The following PKD1L3 variants were observed in gnomAD, a reference collection of about 807,000 sequenced individuals.
PKD1L3 encodes the protein polycystin 1 like 3, transient receptor potential channel interacting.
PKD1L3 carries 239 observed loss-of-function variants against 184.1 expected under a neutral mutation model. The observed-to-expected ratio is 1.30, with a 90% confidence interval of 1.17 to 1.45. The LOEUF is 1.45. PKD1L3 is among the 40% of genes most tolerant of loss of function. PKD1L3 has a pLI of 0.00. For missense variants in PKD1L3, 2,660 were observed against 2,067.2 expected (o/e 1.29, Z -5.56); for synonymous variants, 996 against 778.8 (o/e 1.28, Z -4.64).
At chr16:71,954,458 T>A (rs1037105051) in intron 16 of PKD1L3, among the ~76,000 whole-genome samples, 157 bp from the exon 17 acceptor site, 1 of 152,254 alleles carries the variant, frequency 6.6e-6, no homozygotes, top group Non-Finnish European at 1.5e-5. Context: ...ATTCTTTTTT[T>A]ATTTTAAATT....
At chr16:71,961,523 G>A (rs12445713) in intron 16 of PKD1L3, among the ~76,000 whole-genome samples, 71,062 of 151,820 alleles carry the variant, frequency 0.47, 17,336 homozygotes, top group South Asian at 0.57. Context: ...AGCCACCCCT[G>A]TGAAAAATGC....
At chr16:71,976,043 G>A (rs917654072) in intron 11 of PKD1L3, among the ~76,000 whole-genome samples, 2 of 151,836 alleles carry the variant, frequency 1.3e-5, no homozygotes, top group African/African-American at 4.8e-5. Context: ...TGCCTCCTGG[G>A]TTCAAGTGAT....
At chr16:71,931,403 CTTATTT>C (rs774749191) in intron 28 of PKD1L3, among the ~76,000 whole-genome samples, 4 of 151,232 alleles carry the variant, frequency 2.6e-5, no homozygotes, top group Non-Finnish European at 4.4e-5. Context: ...GCTTAAGTCC[CTTATTT>C]TTATTTTTTA....
Position 71,942,924 on chromosome 16 carries a change from G to A in PKD1L3, c.3960C>T (p.His1320=), listed in dbSNP as rs369693240. The A allele has an allele frequency of 1.3e-6, 2 of 1,551,408 alleles. No individual in the cohort carries two copies. Among genetic ancestry groups the A allele is most frequent in the East Asian group, 2.4e-5 (1 of 40,936 alleles). ...LHQAIWKTFS[H]QFSEIKLLQD... ...GAAGAAGTTTGATTTCCGAGAACTG[G>A]TGCGAAAATGTCTTCCAGATAGCTT... Residue 1320 remains histidine (H), a synonymous_variant, in exon 24 of 30, where the codon CAC becomes CAT. Transcript: ENST00000620267.
intron 6 of PKD1L3, among the ~76,000 whole-genome samples, chr16:71,982,850 T>TC (rs1283542284): frequency 6.6e-6 from 1 of 152,130 alleles, no homozygotes; most frequent in African/African-American, 2.4e-5. Flanking sequence ...TGTCTTGGCC[T>TC]CCCAAAGTGT....
chr16:71,990,427 A>T, intron 3 of PKD1L3, 98 bp from the exon 4 acceptor site: 1 of 1,060,532 alleles, frequency 9.4e-7, no homozygotes, highest in Non-Finnish European at 1.4e-6. Flanking sequence ...AAAATAATGC[A>T]AATTGTTTTA....
chr16:71,960,696 C>G (rs2039244181), intron 16 of PKD1L3, among the ~76,000 whole-genome samples: 1 of 152,054 alleles, frequency 6.6e-6, no homozygotes, highest in African/African-American at 2.4e-5. Context: ...AGAGATTAAA[C>G]AGATAAAAAA....
chr16:71,990,134 A>G (rs985781221), intron 4 of PKD1L3, 146 bp downstream of exon 4: 3 of 556,532 alleles, frequency 5.4e-6, no homozygotes, highest in South Asian at 8.1e-5. Context: ...ATTAAATCCA[A>G]TTTTTTTCTT....
chr16:71,984,169 T>C lies in PKD1L3; in HGVS notation c.835-2A>G. On this transcript the variant is annotated splice_acceptor_variant, in intron 5 of 29. Coordinates refer to ENST00000620267, the MANE Select transcript of PKD1L3 (RefSeq NM_181536.2). LOFTEE classifies it high-confidence loss of function. The stretch of plus-strand genomic sequence containing the variant: ...GTTCCCTGCTATCTCATCTATGACC[T>C]ATTGGGAACAAAGAAGTTGTCAAAA... The C allele has an allele frequency of 6.4e-7, 1 of 1,550,950 alleles. No individual in the cohort carries two copies. The highest frequency in any genetic ancestry group is 8.7e-7 in the Non-Finnish European group (1 of 1,146,446).
intron 24 of PKD1L3, among the ~76,000 whole-genome samples, chr16:71,940,538 C>T (rs536349979): frequency 6.6e-6 from 1 of 152,014 alleles, no homozygotes; most frequent in South Asian, 2.1e-4. Flanking sequence ...CTCACTCTGT[C>T]CCCCAGGCTG....
intron 16 of PKD1L3, among the ~76,000 whole-genome samples, chr16:71,960,542 A>T (rs943173725): frequency 1.6e-5 from 2 of 126,482 alleles, no homozygotes; most frequent in Non-Finnish European, 3.2e-5. Context: ...CCTATATAAT[A>T]AAAAAAAAAG....
chr16:71,985,521 C>CA (rs1482450092), intron 5 of PKD1L3, among the ~76,000 whole-genome samples: 1 of 152,152 alleles, frequency 6.6e-6, no homozygotes, highest in Non-Finnish European at 1.5e-5. Context: ...CAGGCTCAAG[C>CA]AACCCTCCCA....
At position 71,977,350 on chromosome 16, in the gene PKD1L3, T is replaced by C; in HGVS notation, c.1645A>G (p.Ile549Val). Residue 549 changes from isoleucine to valine, a missense_variant, in exon 11 of 30, where the codon ATA (isoleucine) becomes GTA (valine). Transcript: ENST00000620267. ...TSLEKSLIVS[I>V]DPDSPLLMTL... ...ATTAAAAGGGGACTGTCAGGATCTA[T>C]GCTCACTATCAAGGATTTCTCCAAG... The C allele has an allele frequency of 1.9e-6, 3 of 1,548,686 alleles. No homozygotes were observed. Among genetic ancestry groups the C allele is most frequent in the Non-Finnish European group, 2.6e-6 (3 of 1,144,252 alleles).
chr16:71,936,301 G>T (rs1213354954), intron 25 of PKD1L3, among the ~76,000 whole-genome samples: 2 of 150,058 alleles, frequency 1.3e-5, no homozygotes, highest in Non-Finnish European at 3.0e-5. Context: ...TGCCTCCCAG[G>T]TTCAAGCAAT....
chr16:71,979,312 C>A (rs1355371930), intron 9 of PKD1L3, among the ~76,000 whole-genome samples: 1 of 151,990 alleles, frequency 6.6e-6, no homozygotes, highest in Non-Finnish European at 1.5e-5. Flanking sequence ...GGCATGGTGG[C>A]CCATGCCTGT....
intron 27 of PKD1L3, 143 bp downstream of exon 27, chr16:71,933,772 C>A (rs763897197): frequency 5.6e-6 from 5 of 894,242 alleles, no homozygotes; most frequent in Non-Finnish European, 8.6e-6. Context: ...TAAGTCATAC[C>A]AGTTAAGTGT....
chr16:71,948,776 A>G (rs2038715394), intron 21 of PKD1L3, among the ~76,000 whole-genome samples: 1 of 137,252 alleles, frequency 7.3e-6, no homozygotes, highest in East Asian at 2.4e-4. Context: ...TTTGCTTTAA[A>G]AAATTTATAT....
At chr16:71,973,593 T>C in intron 11 of PKD1L3, 76 bp from the exon 12 acceptor site, 1 of 1,264,414 alleles carries the variant, frequency 7.9e-7, no homozygotes, top group Non-Finnish European at 1.1e-6. Flanking sequence ...CTAAAGGATC[T>C]ATTATTAATA....
At position 71,980,130 on chromosome 16, in the gene PKD1L3, T is replaced by TTC; in HGVS notation, c.1147_1148insGA (p.Glu383GlyfsTer20). 6.4e-7 allele frequency: 1 copy of TTC among 1,551,524 alleles called. No individual in the cohort carries two copies. ...CACCAAGGACATTTCCAGGATGTCT[T>TTC]CTACCTGCATGGAAAGGAAAACAGT... On this transcript the variant is annotated frameshift_variant, in exon 8 of 30. Transcript: ENST00000620267. LOFTEE classifies it high-confidence loss of function.
Sources: allele counts gnomAD v4.1 joint callset (sites outside exome capture counted in the v4.1 genomes callset), GRCh38; gene constraint gnomAD v4.1.1; transcripts MANE v1.5; gene names NCBI Gene and HGNC (gene_info 2026-07-23, HGNC 2026-07-21).